The following PCDH15 variants were observed in gnomAD, a reference collection of about 807,000 sequenced individuals.
PCDH15 encodes the protein protocadherin-15.
A neutral mutation model predicts 178.5 loss-of-function variants in PCDH15; 129 were observed. The ratio of observed to expected loss-of-function variants is 0.72; its 90% confidence interval spans 0.63 to 0.84. The LOEUF (loss-of-function observed/expected upper bound fraction) is 0.84, where lower values mean the gene tolerates loss of function less well. PCDH15 is among the 40% of genes least tolerant of loss of function. PCDH15 has a pLI of 0.00. For synonymous variants in PCDH15, 800 were observed against 732.0 expected, an observed-to-expected ratio of 1.09 and a Z score of -1.50; for missense variants, 2,230 against 2,099.9, an observed-to-expected ratio of 1.06 and a Z score of -1.21.
At chr10:55,431,960 G>T (rs1364603058) in intron 2 of PCDH15, among the ~76,000 whole-genome samples, 1 of 151,996 alleles carries the variant, frequency 6.6e-6, no homozygotes, top group East Asian at 1.9e-4. Context: ...CTAAGCTCTA[G>T]GGAGATTGTA....
chr10:54,947,759 G>A (rs1016313667), intron 2 of PCDH15, among the ~76,000 whole-genome samples: 19 of 151,892 alleles, frequency 1.3e-4, no homozygotes, highest in African/African-American at 4.3e-4. Context: ...CTAGGAACAT[G>A]AGAGTCATCC....
intron 20 of PCDH15, among the ~76,000 whole-genome samples, chr10:54,018,761 T>TA (rs2092820260): frequency 6.6e-6 from 1 of 152,112 alleles, no homozygotes; most frequent in Non-Finnish European, 1.5e-5. Context: ...AAACATTTAT[T>TA]AAAAATGTCC....
intron 2 of PCDH15, among the ~76,000 whole-genome samples, chr10:55,024,095 A>C (rs1274945482): frequency 6.9e-6 from 1 of 145,776 alleles, no homozygotes; most frequent in Admixed American, 6.9e-5. Flanking sequence ...ATATATAGGA[A>C]GGAATATACA....
intron 1 of PCDH15, among the ~76,000 whole-genome samples, chr10:55,259,003 G>T (rs926905459): frequency 2.0e-5 from 3 of 152,008 alleles, no homozygotes; most frequent in Non-Finnish European, 4.4e-5. Flanking sequence ...TTTCTTCCCT[G>T]CTATATAAAT....
chr10:54,350,963 G>T (rs1392507397), intron 5 of PCDH15, among the ~76,000 whole-genome samples: 1 of 151,988 alleles, frequency 6.6e-6, no homozygotes, highest in Admixed American at 6.6e-5. Flanking sequence ...AATTAACCAG[G>T]CATGGTGGTG....
At chr10:55,313,378 T>C (rs1346827198) in intron 1 of PCDH15, among the ~76,000 whole-genome samples, 2 of 152,222 alleles carry the variant, frequency 1.3e-5, no homozygotes, top group African/African-American at 4.8e-5. Context: ...ATACATTTTT[T>C]AGAATTCCAA....
chr10:55,424,799 A>G (rs956547101), intron 2 of PCDH15, among the ~76,000 whole-genome samples: 4 of 152,112 alleles, frequency 2.6e-5, no homozygotes, highest in Non-Finnish European at 4.4e-5. Flanking sequence ...AGAAGTGCCA[A>G]ACATCAATTT....
intron 11 of PCDH15, among the ~76,000 whole-genome samples, chr10:54,187,908 T>C (rs1390908317): frequency 6.6e-6 from 1 of 151,854 alleles, no homozygotes; most frequent in Non-Finnish European, 1.5e-5. Context: ...TAATTTATAT[T>C]CATTTTTAAA....
chr10:55,542,319 T>C (rs981599816), intron 2 of PCDH15, among the ~76,000 whole-genome samples: 1 of 151,102 alleles, frequency 6.6e-6, no homozygotes, highest in African/African-American at 2.4e-5. Flanking sequence ...TATATGGACA[T>C]ATATACCCTA....
At chr10:54,821,810 T>C (rs1285290411) in intron 3 of PCDH15, among the ~76,000 whole-genome samples, 1 of 152,112 alleles carries the variant, frequency 6.6e-6, no homozygotes, top group Non-Finnish European at 1.5e-5. Flanking sequence ...CCAAGTTTCA[T>C]TTTGTAGGAA....
chr10:54,871,111 T>C (rs1274115919), intron 3 of PCDH15, among the ~76,000 whole-genome samples: 2 of 152,180 alleles, frequency 1.3e-5, no homozygotes. Flanking sequence ...AACTACATTG[T>C]AATTTTTGGT....
intron 2 of PCDH15, among the ~76,000 whole-genome samples, chr10:55,144,683 G>A (rs535003925): frequency 5.9e-5 from 9 of 152,028 alleles, no homozygotes; most frequent in Admixed American, 3.3e-4. Flanking sequence ...GTTTTTTGCA[G>A]ACTTTACTAT....
At chr10:54,213,298 G>T (rs2051649643) in intron 10 of PCDH15, among the ~76,000 whole-genome samples, 1 of 151,870 alleles carries the variant, frequency 6.6e-6, no homozygotes, top group African/African-American at 2.4e-5. Context: ...TTAATTAGAA[G>T]AATATCTGCA....
intron 14 of PCDH15, among the ~76,000 whole-genome samples, chr10:54,138,736 T>C (rs1028742421): frequency 6.6e-6 from 1 of 152,116 alleles, no homozygotes; most frequent in African/African-American, 2.4e-5. Context: ...TACCCAAAAT[T>C]TTGATTCACA....
chr10:54,521,576 T>C (rs1165125104), intron 3 of PCDH15, among the ~76,000 whole-genome samples: 5 of 152,118 alleles, frequency 3.3e-5, no homozygotes, highest in South Asian at 2.1e-4. Context: ...TAAAAGAGAA[T>C]GTAATATAAC....
intron 37 of PCDH15, chr10:53,809,625 G>T: frequency 7.3e-7 from 1 of 1,370,080 alleles, no homozygotes; most frequent in Non-Finnish European, 1.0e-6. Flanking sequence ...AAGCTACGCA[G>T]GAATGAATCT....
chr10:54,030,600 TTCTAGTCCCTAGAAA>T (rs1010626300), intron 18 of PCDH15, among the ~76,000 whole-genome samples: 8 of 152,078 alleles, frequency 5.3e-5, no homozygotes, highest in East Asian at 1.9e-4. Context: ...TAGCTTTTCA[TTCTAGTCCCTAGAAA>T]TCTAGTCCCT....
chr10:54,490,319 G>A (rs531135147), intron 3 of PCDH15, among the ~76,000 whole-genome samples: 1 of 151,952 alleles, frequency 6.6e-6, no homozygotes, highest in Non-Finnish European at 1.5e-5. Flanking sequence ...GCGTGGTGGC[G>A]GGTGCCTGTA....
intron 9 of PCDH15, among the ~76,000 whole-genome samples, chr10:54,220,594 G>A (rs2052666863): frequency 6.6e-6 from 1 of 152,140 alleles, no homozygotes; most frequent in Non-Finnish European, 1.5e-5. Context: ...GGGAGGCCGA[G>A]ACGGGCGGAT....
Sources: allele counts gnomAD v4.1 joint callset (sites outside exome capture counted in the v4.1 genomes callset), GRCh38; gene constraint gnomAD v4.1.1; transcripts MANE v1.5; gene names NCBI Gene and HGNC (gene_info 2026-07-23, HGNC 2026-07-21).